Variants in ATXN10 observed in about 807,000 individuals in gnomAD.
ATXN10 encodes the protein ataxin-10.
In ATXN10, 28 loss-of-function variants were observed where a neutral mutation model predicts 52.9. The observed-to-expected ratio is 0.53, with a 90% CI of 0.39 to 0.73. ATXN10 has a LOEUF of 0.73. Ranked by LOEUF, ATXN10 falls within the 30% of genes least tolerant of loss-of-function variation. The pLI, the probability that ATXN10 is intolerant of heterozygous loss-of-function variation, is 0.00. For synonymous variants in ATXN10, 226 were observed against 221.5 expected (o/e 1.02, Z -0.18); for missense variants, 565 against 577.0 (o/e 0.98, Z 0.21).
At position 45,744,819 on chromosome 22, in the gene ATXN10, G is replaced by T. The variant is rs1008086854; in HGVS notation, c.1173+4281G>T. 6.6e-6 allele frequency: 1 copy of T among 152,172 alleles called. No individual in the cohort carries two copies. Among genetic ancestry groups the T allele is most frequent in the African/African-American group, 2.4e-5 (1 of 41,446 alleles). The allele number at this position is 152,172 out of a possible 1,614,324, so 9.4% of individuals were successfully genotyped here. On this transcript the variant is annotated intron_variant, in intron 9 of 11. Coordinates refer to ENST00000252934, the MANE Select transcript of ATXN10 (RefSeq NM_013236.4). The surrounding 1 kb of genome is among the most constrained non-coding windows in gnomAD (Gnocchi z 4.9). ...TTGGGCAAGATTTAAGAGAATCAAG[G>T]TACGTTGCCTCAGATTGAAAATCTG...
At chr22:45,729,303 A>AT (rs1569039539) in intron 6 of ATXN10, 122 bp from the exon 7 acceptor site, 4 of 994,110 alleles carry the variant, frequency 4.0e-6, no homozygotes, top group Non-Finnish European at 6.1e-6. Flanking sequence ...CTAGCTAGAC[A>AT]TTAGAAGCAA....
intron 5 of ATXN10, among the ~76,000 whole-genome samples, chr22:45,716,741 A>C (rs1924463210): frequency 6.6e-6 from 1 of 152,198 alleles, no homozygotes; most frequent in Non-Finnish European, 1.5e-5. Flanking sequence ...GTAAGTAAGA[A>C]AGAAAGAAAT....
chr22:45,722,899 C>T (rs759293505), intron 6 of ATXN10, among the ~76,000 whole-genome samples: 2 of 152,090 alleles, frequency 1.3e-5, no homozygotes, highest in African/African-American at 2.4e-5. Flanking sequence ...ACATCCCTAT[C>T]TGTGGATACC....
intron 1 of ATXN10, chr22:45,679,140 C>T (rs1042713168): frequency 2.0e-5 from 3 of 152,292 alleles, no homozygotes; most frequent in African/African-American, 7.2e-5. Flanking sequence ...CAAAGAACTT[C>T]ACATAATCAC....
rs1372744974 is a variant in ATXN10, at chr22:45,763,434, A to G, written c.1173+22896A>G. Among the ~76,000 whole-genome samples, 3 of 152,084 alleles carry G rather than the reference A, an allele frequency of 2.0e-5. No homozygotes were observed. Among genetic ancestry groups the G allele is most frequent in the Non-Finnish European group, 4.4e-5 (3 of 68,016 alleles). On this transcript the variant is annotated intron_variant, in intron 9 of 11. Transcript: ENST00000252934. The surrounding 1 kb of genome is among the most constrained non-coding windows in gnomAD (Gnocchi z 6.9). ...GGCCCCTCGCTCGCTTTGCCAGGAGACAGGCGGCTCCTTGCCTGAGCCTCT... is the reference window on the plus strand; with the variant it reads ...GGCCCCTCGCTCGCTTTGCCAGGAGGCAGGCGGCTCCTTGCCTGAGCCTCT...
Position 45,738,783 on chromosome 22 carries a change from A to AT in ATXN10, c.948dup (p.Thr317TyrfsTer2), listed in dbSNP as rs772813026. ...GACGTCCTGTGCGAAATGACTGTGA[A>AT]TACTGAGCTGCTCGGCTATCTGCAG... On this transcript the variant is annotated frameshift_variant, in exon 8 of 12. Transcript: ENST00000252934. LOFTEE classifies it high-confidence loss of function. 4 of 1,614,072 alleles carry AT rather than the reference A, an allele frequency of 2.5e-6. No homozygotes were observed. The African/African-American group carries it at 5.3e-5, about 22-fold the overall frequency.
At chr22:45,703,155 A>G (rs991734376) in intron 5 of ATXN10, among the ~76,000 whole-genome samples, 1 of 152,188 alleles carries the variant, frequency 6.6e-6, no homozygotes, top group Non-Finnish European at 1.5e-5. Flanking sequence ...GAGTGCACAG[A>G]TAAGACTGTT....
intron 6 of ATXN10, among the ~76,000 whole-genome samples, chr22:45,724,616 T>C (rs966364387): frequency 1.3e-5 from 2 of 152,232 alleles, no homozygotes; most frequent in African/African-American, 4.8e-5. Flanking sequence ...ATTCTGTTGG[T>C]TGTCTGTTTA....
chr22:45,730,144 G>T (rs1925030538), intron 7 of ATXN10, among the ~76,000 whole-genome samples: 1 of 152,094 alleles, frequency 6.6e-6, no homozygotes, highest in Non-Finnish European at 1.5e-5. Context: ...AGGAATTCCA[G>T]ATCACCCTGG....
chr22:45,698,383 A>G lies in ATXN10; in HGVS notation c.392-1899A>G, dbSNP rs969429352. Among the ~76,000 whole-genome samples the G allele has an allele frequency of 3.3e-5, 5 of 152,184 alleles. No individual in the cohort carries two copies. The East Asian group carries it at 7.7e-4, about 23-fold the overall frequency. ...TTTGATTTGCATTTCCTAAATGATC[A>G]CGTACTTATTGGCCGTTTGTAAATC... On this transcript the variant is annotated intron_variant, in intron 3 of 11. Transcript: ENST00000252934.
intron 9 of ATXN10, among the ~76,000 whole-genome samples, chr22:45,797,276 G>A (rs1310098023): frequency 6.6e-6 from 1 of 152,184 alleles, no homozygotes; most frequent in African/African-American, 2.4e-5. Context: ...GTTCTTTCCA[G>A]TACACATAGA....
At chr22:45,740,626 G>A (rs573627814) in intron 9 of ATXN10, 88 bp downstream of exon 9, 2 of 1,240,892 alleles carry the variant, frequency 1.6e-6, no homozygotes, top group South Asian at 1.2e-5. Context: ...TGGAGTGAAA[G>A]CTTGAGGTGC....
At chr22:45,798,779 T>C (rs1927834230) in intron 9 of ATXN10, among the ~76,000 whole-genome samples, 2 of 152,182 alleles carry the variant, frequency 1.3e-5, no homozygotes, top group Non-Finnish European at 2.9e-5. Flanking sequence ...GATAAAGTTA[T>C]GAGAAGTGAA....
intron 10 of ATXN10, among the ~76,000 whole-genome samples, chr22:45,827,553 AAAG>A (rs1928856107): frequency 6.6e-6 from 1 of 152,232 alleles, no homozygotes; most frequent in Admixed American, 6.5e-5. Context: ...TGCAAGAGAC[AAAG>A]AAGAACATAA....
At chr22:45,694,410 G>T (rs772849982) in intron 3 of ATXN10, among the ~76,000 whole-genome samples, 2 of 152,128 alleles carry the variant, frequency 1.3e-5, no homozygotes, top group African/African-American at 4.8e-5. Flanking sequence ...CTAGCACTTG[G>T]AGAGGCCAAG....
In ATXN10 at chr22:45,710,079, A is replaced by C. The variant is rs1053438509; in HGVS notation, c.647+7232A>C. 3.9e-5 allele frequency among the ~76,000 whole-genome samples: 6 copies of C among 152,214 alleles called. No individual in the cohort carries two copies. In the East Asian group the frequency reaches 1.2e-3, roughly 29 times the overall value. On this transcript the variant is annotated intron_variant, in intron 5 of 11. Coordinates refer to ENST00000252934, the MANE Select transcript of ATXN10 (RefSeq NM_013236.4). ...CCCTCTGAATCATCACACAGTAGCC[A>C]GAGTGACCTTTTAAAAATTACTGTA...
At chr22:45,771,431 T>C (rs1239546289) in intron 9 of ATXN10, among the ~76,000 whole-genome samples, 3 of 150,564 alleles carry the variant, frequency 2.0e-5, no homozygotes, top group Admixed American at 1.3e-4. Flanking sequence ...TTTTTTTTTT[T>C]CTTGAGATGG....
At chr22:45,738,429 C>T in intron 7 of ATXN10, 1 of 315,994 alleles carries the variant, frequency 3.2e-6, no homozygotes, top group Non-Finnish European at 5.9e-6. Flanking sequence ...ACATTTATTC[C>T]ACTGTTGGAA....
intron 9 of ATXN10, among the ~76,000 whole-genome samples, chr22:45,747,225 G>C (rs893071628): frequency 1.3e-5 from 2 of 152,136 alleles, no homozygotes; most frequent in Non-Finnish European, 2.9e-5. Flanking sequence ...TGGGGGGCCG[G>C]GTGCAGTGGC....
Sources: gnomAD v4.1 joint callset for allele counts (sites outside exome capture counted in the v4.1 genomes callset) on GRCh38, gnomAD v4.1.1 for gene constraint, Gnocchi (gnomAD v3.1) non-coding constraint, MANE v1.5 for transcripts, NCBI Gene and HGNC (gene_info 2026-07-23, HGNC 2026-07-21) for gene names.